HK2: variants seen among roughly 807,000 people sequenced by gnomAD.
The protein encoded by HK2 is hexokinase-2.
Under a neutral mutation model 92.9 loss-of-function variants are expected in HK2, and 42 were observed. That is an observed-to-expected ratio of 0.45 (90% CI 0.35 to 0.58). HK2 has a LOEUF of 0.58. HK2 is among the 20% of genes least tolerant of loss of function. The probability of loss-of-function intolerance (pLI) is 0.00; values close to 1 mark genes in which losing one functional copy is unlikely to be tolerated. For synonymous variants in HK2, 422 were observed against 468.0 expected (o/e 0.90, Z 1.27); for missense variants, 978 against 1,245.1 (o/e 0.79, Z 3.23).
chr2:74,867,872 G>A lies in HK2; in HGVS notation c.375+88G>A, dbSNP rs1397047346. The A allele has an allele frequency of 8.8e-6, 13 of 1,471,804 alleles. No homozygotes were observed. In the Admixed American group the frequency reaches 1.0e-4, roughly 11 times the overall value. 91.2% of individuals were successfully genotyped at this position (1,471,804 alleles called of 1,614,324 possible). A position where few individuals can be genotyped will look rare whatever the true frequency, so the allele number is the denominator to read the frequency against. On this transcript the variant is annotated intron_variant, in intron 3 of 17. Transcript: ENST00000290573. ...TACTTTCTCCAGCCGCTCCCAGCGT[G>A]TGGATAGGCAGTCACCCAAGACACT...
At chr2:74,884,468 A>G (rs758337112) in intron 12 of HK2, among the ~76,000 whole-genome samples, 7 of 152,196 alleles carry the variant, frequency 4.6e-5, no homozygotes, top group Non-Finnish European at 1.0e-4. Context: ...CGTAAACACA[A>G]ACTTGCGTCA....
rs1573394372 is a variant in HK2, at chr2:74,889,238, A to C, written c.2376-7A>C. Reference sequence around the variant, plus strand: ...ACTGAACACTTGCTGTCTCCCTCCCACCCCAGTGACTGCCTGGCCCTGCTG... The same window carrying C: ...ACTGAACACTTGCTGTCTCCCTCCCCCCCCAGTGACTGCCTGGCCCTGCTG... On this transcript the variant is annotated splice_polypyrimidine_tract_variant and splice_region_variant and intron_variant, in intron 16 of 17. Coordinates refer to ENST00000290573, the MANE Select transcript of HK2 (RefSeq NM_000189.5). The C allele has an allele frequency of 6.2e-7, 1 of 1,610,596 alleles. No homozygotes were observed. Among genetic ancestry groups the C allele is most frequent in the Admixed American group, 1.7e-5 (1 of 59,738 alleles).
At chr2:74,870,146 C>A (rs1206561602) in intron 3 of HK2, among the ~76,000 whole-genome samples, 4 of 151,950 alleles carry the variant, frequency 2.6e-5, no homozygotes, top group African/African-American at 9.7e-5. Context: ...GTAGCTGGGA[C>A]TACAGGTGTG....
At chr2:74,865,519 TTG>T (rs1281872768) in intron 2 of HK2, among the ~76,000 whole-genome samples, 1 of 152,028 alleles carries the variant, frequency 6.6e-6, no homozygotes, top group East Asian at 1.9e-4. Flanking sequence ...AGCCACCACG[TTG>T]TGTTTCCTAG....
intron 2 of HK2, among the ~76,000 whole-genome samples, chr2:74,865,977 G>T (rs1473976513): frequency 1.3e-5 from 2 of 152,132 alleles, no homozygotes; most frequent in Non-Finnish European, 2.9e-5. Context: ...TGAAGCAGCT[G>T]AGGCTCAGAG....
intron 16 of HK2, among the ~76,000 whole-genome samples, chr2:74,888,547 C>T (rs943488967): frequency 6.6e-6 from 1 of 152,196 alleles, no homozygotes; most frequent in Non-Finnish European, 1.5e-5. Context: ...TGGAAAATCT[C>T]CAAATTAGAA....
intron 1 of HK2, among the ~76,000 whole-genome samples, chr2:74,838,112 A>G (rs1484144325): frequency 1.3e-5 from 2 of 152,108 alleles, no homozygotes; most frequent in Non-Finnish European, 2.9e-5. Context: ...AGTGTGTTTG[A>G]ACCTTGCATG....
At chr2:74,889,670 C>A (rs773997648) in intron 17 of HK2, among the ~76,000 whole-genome samples, 192 bp downstream of exon 17, 20 of 152,172 alleles carry the variant, frequency 1.3e-4, no homozygotes, top group African/African-American at 4.3e-4. Context: ...CCGTGGGAAG[C>A]CCCCTCCGAG....
At chr2:74,857,933 C>T (rs1688731337) in intron 2 of HK2, among the ~76,000 whole-genome samples, 1 of 152,220 alleles carries the variant, frequency 6.6e-6, no homozygotes, top group African/African-American at 2.4e-5. Flanking sequence ...GCATCCCTCT[C>T]CCACAGAAGG....
intron 1 of HK2, among the ~76,000 whole-genome samples, chr2:74,842,237 AT>A (rs142003448): frequency 0.021 from 3,227 of 151,642 alleles, 104 homozygotes; most frequent in African/African-American, 0.073. Context: ...GTTCAACTTG[AT>A]TTTTTTTTGA....
At chr2:74,890,162 C>T (rs936328192) in intron 17 of HK2, among the ~76,000 whole-genome samples, 2 of 152,144 alleles carry the variant, frequency 1.3e-5, no homozygotes, top group African/African-American at 2.4e-5. Context: ...GGCAGAAGCC[C>T]AGCCACCAAC....
At chr2:74,837,177 A>T (rs1464553898) in intron 1 of HK2, among the ~76,000 whole-genome samples, 1 of 152,204 alleles carries the variant, frequency 6.6e-6, no homozygotes, top group Non-Finnish European at 1.5e-5. Context: ...TCCCTGTTTA[A>T]CTGAGGCCCA....
chr2:74,888,374 G>T (rs144718430), intron 16 of HK2, among the ~76,000 whole-genome samples: 2 of 152,342 alleles, frequency 1.3e-5, no homozygotes, highest in African/African-American at 4.8e-5. Context: ...CACAGAGGAA[G>T]ATAACCTATT....
chr2:74,857,072 T>A (rs898641906), intron 2 of HK2, among the ~76,000 whole-genome samples: 1 of 152,222 alleles, frequency 6.6e-6, no homozygotes, highest in Non-Finnish European at 1.5e-5. Context: ...CAGCACATAC[T>A]GGAATGTCTT....
rs1689309291 is a variant in HK2, at chr2:74,878,848, AAGG to A, written c.1195_1197del (p.Glu399del). 3 of 1,553,910 alleles carry A rather than the reference AAGG, an allele frequency of 1.9e-6. No individual in the cohort carries two copies. Among genetic ancestry groups the A allele is most frequent in the Non-Finnish European group, 1.7e-6 (2 of 1,148,260 alleles). On this transcript the variant is annotated inframe_deletion, in exon 9 of 18. Transcript: ENST00000290573. ...CCTGGCCGCCGTGCTGCAGCGCATC[AAGG>A]AGAACAAAGGCGAGGAGCGGCTGCG...
Position 74,834,456 on chromosome 2 carries a change from T to A in HK2, c.-125T>A. 1 of 923,492 alleles carries A rather than the reference T, an allele frequency of 1.1e-6. No homozygotes were observed. The highest frequency in any genetic ancestry group is 1.9e-5 in the Admixed American group (1 of 51,340). 57.2% of individuals were successfully genotyped at this position (923,492 alleles called of 1,614,324 possible). ...CGCCGGTAGCCTTCTTTGTGCGCCGTCCGGACTCCCAGCTCCCGGCCCGGC... is the reference window on the plus strand; with the variant it reads ...CGCCGGTAGCCTTCTTTGTGCGCCGACCGGACTCCCAGCTCCCGGCCCGGC... On this transcript the variant is annotated 5_prime_UTR_variant, in exon 1 of 18. Coordinates refer to ENST00000290573, the MANE Select transcript of HK2 (RefSeq NM_000189.5). This position sits in a 1 kb window ranked among gnomAD's most constrained non-coding sequence, Gnocchi z 4.2.
chr2:74,890,129 T>A (rs987670045), intron 17 of HK2, among the ~76,000 whole-genome samples: 28 of 152,192 alleles, frequency 1.8e-4, no homozygotes, highest in African/African-American at 6.5e-4. Context: ...ATTGTACATA[T>A]AGTTTCATGA....
At chr2:74,841,669 G>C (rs1688318577) in intron 1 of HK2, among the ~76,000 whole-genome samples, 1 of 152,178 alleles carries the variant, frequency 6.6e-6, no homozygotes, top group Non-Finnish European at 1.5e-5. Context: ...TTCCTTGCTG[G>C]GGGGCAGGTT....
chr2:74,870,980 A>G (rs980140894), intron 3 of HK2, among the ~76,000 whole-genome samples: 2 of 152,168 alleles, frequency 1.3e-5, no homozygotes, highest in African/African-American at 4.8e-5. Flanking sequence ...CCTGCTGACC[A>G]TACCCTAGGC....
Sources: allele counts gnomAD v4.1 joint callset (sites outside exome capture counted in the v4.1 genomes callset), GRCh38; gene constraint gnomAD v4.1.1; non-coding constraint Gnocchi (gnomAD v3.1); transcripts MANE v1.5; gene names NCBI Gene and HGNC (gene_info 2026-07-23, HGNC 2026-07-21).